The following DHX15 variants were observed in gnomAD, a reference collection of about 807,000 sequenced individuals.
The protein encoded by DHX15 is ATP-dependent RNA helicase DHX15.
DHX15 carries 11 observed loss-of-function variants against 94.4 expected under a neutral mutation model. The ratio of observed to expected loss-of-function variants is 0.12; its 90% CI spans 0.07 to 0.19. The LOEUF is 0.19. Among genes scored for constraint, DHX15 ranks in the 10% least tolerant of loss-of-function variants. The probability of loss-of-function intolerance (pLI) is 1.00; values close to 1 mark genes in which losing one functional copy is unlikely to be tolerated. For missense variants in DHX15, 304 were observed against 988.5 expected, an observed-to-expected ratio of 0.31 and a Z score of 9.29; for synonymous variants, 338 against 329.9, an observed-to-expected ratio of 1.02 and a Z score of -0.27.
At chr4:24,556,486 T>C (rs538319140) in intron 3 of DHX15, 76 bp from the exon 4 acceptor site, 46 of 1,199,318 alleles carry the variant, frequency 3.8e-5, no homozygotes, top group Middle Eastern at 2.0e-4. Context: ...AAAAATGAAA[T>C]GCAAAGACAT....
At chr4:24,553,571 C>T (rs536556748) in intron 5 of DHX15, among the ~76,000 whole-genome samples, 9 of 150,944 alleles carry the variant, frequency 6.0e-5, no homozygotes, top group South Asian at 4.2e-4. Context: ...GTCAGGAGTT[C>T]GAGACTAGCC....
At chr4:24,540,987 A>T in intron 8 of DHX15, 39 bp from the exon 9 acceptor site, 1 of 1,328,314 alleles carries the variant, frequency 7.5e-7, no homozygotes, top group Non-Finnish European at 1.1e-6. Context: ...TATGTTAAAA[A>T]TGCCTCAGTC....
chr4:24,571,579 C>A (rs1429135350), intron 2 of DHX15, among the ~76,000 whole-genome samples: 2 of 152,188 alleles, frequency 1.3e-5, no homozygotes, highest in African/African-American at 2.4e-5. Context: ...TTACAGTTTT[C>A]CAGTCACTTA....
chr4:24,577,777 G>A (rs535348346), intron 1 of DHX15, among the ~76,000 whole-genome samples: 12 of 152,230 alleles, frequency 7.9e-5, no homozygotes, highest in African/African-American at 2.6e-4. Flanking sequence ...TGGGAGACTG[G>A]TGGTGGGAAT....
At chr4:24,547,941 ATCTATATC>A (rs1341790652) in intron 6 of DHX15, among the ~76,000 whole-genome samples, 64 of 32,950 alleles carry the variant, frequency 1.9e-3, no homozygotes, top group African/African-American at 6.6e-3. Flanking sequence ...ATATATATAT[ATCTATATC>A]TATATCTATA....
chr4:24,530,720 CTT>C (rs1046542517), intron 12 of DHX15: 1 of 151,984 alleles, frequency 6.6e-6, no homozygotes, highest in Admixed American at 6.6e-5. Context: ...CCTCTCATTT[CTT>C]TTTTTGGTAA....
At chr4:24,535,523 A>G (rs757206904) in intron 11 of DHX15, among the ~76,000 whole-genome samples, 1 of 152,196 alleles carries the variant, frequency 6.6e-6, no homozygotes, top group Admixed American at 6.5e-5. Flanking sequence ...GAAAGATTAA[A>G]TAACTGTTCT....
chr4:24,547,879 C>CTATGTATGTGTATATA (rs1560765544), intron 6 of DHX15, among the ~76,000 whole-genome samples: 13 of 69,034 alleles, frequency 1.9e-4, no homozygotes, highest in Non-Finnish European at 2.0e-4. Flanking sequence ...CTCTCTCTCT[C>CTATGTATGTGTATATA]TCTCTCTCTC....
intron 3 of DHX15, chr4:24,563,053 C>T (rs1011353670): frequency 6.6e-6 from 1 of 151,782 alleles, no homozygotes; most frequent in Non-Finnish European, 1.5e-5. Flanking sequence ...AATAAATGAA[C>T]CTATAGGTCT....
chr4:24,568,543 C>G (rs1722046413), intron 3 of DHX15, among the ~76,000 whole-genome samples: 2 of 152,120 alleles, frequency 1.3e-5, no homozygotes, highest in Non-Finnish European at 2.9e-5. Flanking sequence ...TTGTCATTCC[C>G]TATGAAGTGA....
chr4:24,557,243 C>T (rs1484285414), intron 3 of DHX15, among the ~76,000 whole-genome samples: 1 of 152,146 alleles, frequency 6.6e-6, no homozygotes, highest in Non-Finnish European at 1.5e-5. Flanking sequence ...ACTGATGTCA[C>T]TATGAAAAAC....
intron 1 of DHX15, among the ~76,000 whole-genome samples, chr4:24,583,916 T>C (rs1394480335): frequency 6.6e-6 from 1 of 152,162 alleles, no homozygotes; most frequent in African/African-American, 2.4e-5. Context: ...AAGTGCCTGC[T>C]GCCCTTGGAA....
intron 13 of DHX15, among the ~76,000 whole-genome samples, chr4:24,529,020 A>C (rs944658019): frequency 9.9e-5 from 15 of 151,506 alleles, no homozygotes; most frequent in East Asian, 1.9e-4. Context: ...TTAAAAAAAA[A>C]CCCTTTTTTA....
At chr4:24,580,563 T>C (rs987267354) in intron 1 of DHX15, among the ~76,000 whole-genome samples, 3 of 150,446 alleles carry the variant, frequency 2.0e-5, no homozygotes, top group Non-Finnish European at 4.4e-5. Context: ...GGCTGGAGTG[T>C]AGTGGTGCAA....
chr4:24,581,164 G>A (rs1391181614), intron 1 of DHX15, among the ~76,000 whole-genome samples: 1 of 151,944 alleles, frequency 6.6e-6, no homozygotes, highest in Non-Finnish European at 1.5e-5. Flanking sequence ...GAGTAGCTGG[G>A]ACTACAGGTG....
chr4:24,584,068 G>A (rs1722546330), intron 1 of DHX15: 1 of 509,284 alleles, frequency 2.0e-6, no homozygotes, highest in African/African-American at 2.0e-5. Flanking sequence ...GGGGGAGGAG[G>A]CGCCCTCATG....
chr4:24,567,534 G>A (rs1239950605), intron 3 of DHX15, among the ~76,000 whole-genome samples: 7 of 150,100 alleles, frequency 4.7e-5, no homozygotes, highest in African/African-American at 1.2e-4. Flanking sequence ...CCGAGATCGT[G>A]CCACTGCACT....
At chr4:24,536,710 T>C (rs1721206925) in intron 11 of DHX15, among the ~76,000 whole-genome samples, 1 of 152,186 alleles carries the variant, frequency 6.6e-6, no homozygotes, top group Non-Finnish European at 1.5e-5. Flanking sequence ...AATGATTGTA[T>C]AAACAATATA....
intron 6 of DHX15, among the ~76,000 whole-genome samples, chr4:24,547,923 A>ATATATC (rs1721475214): frequency 1.2e-5 from 1 of 84,636 alleles, no homozygotes; most frequent in Non-Finnish European, 2.2e-5. Flanking sequence ...ATATATATAT[A>ATATATC]TATATATATA....
Sources: allele counts gnomAD v4.1 joint callset (sites outside exome capture counted in the v4.1 genomes callset), GRCh38; gene constraint gnomAD v4.1.1; transcripts MANE v1.5; gene names NCBI Gene and HGNC (gene_info 2026-07-23, HGNC 2026-07-21).